The following PBX3 variants were observed in gnomAD, a reference collection of about 807,000 sequenced individuals.
PBX3 encodes PBX homeobox 3, also known as pre-B-cell leukemia transcription factor 3.
PBX3 carries 14 observed loss-of-function variants against 48.5 expected under a neutral mutation model. That is an observed-to-expected ratio of 0.29 (90% CI 0.19 to 0.45). The LOEUF (loss-of-function observed/expected upper bound fraction) is 0.45. PBX3 is among the 20% of genes least tolerant of loss of function. The pLI is 1.00. For synonymous variants in PBX3, 210 were observed against 200.3 expected (o/e 1.05, Z -0.41); for missense variants, 386 against 546.7 (o/e 0.71, Z 2.93).
intron 2 of PBX3, chr9:125,749,652 A>G (rs979605362): frequency 6.6e-6 from 1 of 151,380 alleles, no homozygotes; most frequent in African/African-American, 2.4e-5. Flanking sequence ...GTTGAAGTCC[A>G]GGATATAGCA....
intron 2 of PBX3, among the ~76,000 whole-genome samples, chr9:125,839,193 G>C (rs1276413701): frequency 6.6e-6 from 1 of 152,202 alleles, no homozygotes; most frequent in Non-Finnish European, 1.5e-5. Context: ...AGAATTAAAT[G>C]AAATTGTACA....
intron 2 of PBX3, among the ~76,000 whole-genome samples, chr9:125,913,003 A>G (rs917513389): frequency 4.6e-5 from 7 of 152,176 alleles, no homozygotes; most frequent in African/African-American, 1.7e-4. Flanking sequence ...TAAGAAAATA[A>G]ATAGAAATAT....
chr9:125,910,577 A>G (rs1437523474), intron 2 of PBX3, among the ~76,000 whole-genome samples: 2 of 151,878 alleles, frequency 1.3e-5, no homozygotes, highest in African/African-American at 2.4e-5. Flanking sequence ...GCCGTGTTAT[A>G]TTTAATATAC....
intron 2 of PBX3, among the ~76,000 whole-genome samples, chr9:125,884,771 C>A (rs1221179726): frequency 6.6e-6 from 1 of 152,128 alleles, no homozygotes; most frequent in African/African-American, 2.4e-5. Context: ...AGCAGCACTT[C>A]CCTGTAAGTA....
intron 2 of PBX3, among the ~76,000 whole-genome samples, chr9:125,778,016 A>G (rs1373854969): frequency 6.8e-6 from 1 of 147,400 alleles, no homozygotes; most frequent in Non-Finnish European, 1.5e-5. Context: ...GCTGGAGTGC[A>G]GTGGTGTGAT....
chr9:125,840,916 G>A (rs553370985), intron 2 of PBX3, among the ~76,000 whole-genome samples: 5 of 152,100 alleles, frequency 3.3e-5, no homozygotes, highest in South Asian at 4.2e-4. Context: ...ATTTTAAGTC[G>A]TTCAGTTTGT....
chr9:125,919,885 C>G (rs1446485503), intron 3 of PBX3, among the ~76,000 whole-genome samples: 1 of 152,206 alleles, frequency 6.6e-6, no homozygotes, highest in Non-Finnish European at 1.5e-5. Flanking sequence ...CTGCAAGGCT[C>G]AGTTTTATGT....
At chr9:125,920,207 G>C (rs565651711) in intron 3 of PBX3, among the ~76,000 whole-genome samples, 1 of 152,018 alleles carries the variant, frequency 6.6e-6, no homozygotes, top group African/African-American at 2.4e-5. Flanking sequence ...CTTCGTCTTG[G>C]GTACATTGCC....
chr9:125,789,062 A>C (rs1489849483), intron 2 of PBX3, among the ~76,000 whole-genome samples: 2 of 152,086 alleles, frequency 1.3e-5, no homozygotes, highest in South Asian at 2.1e-4. Context: ...TTCACTCAAC[A>C]CTTATTTTAA....
chr9:125,794,630 T>C (rs1837722677), intron 2 of PBX3, among the ~76,000 whole-genome samples: 2 of 150,658 alleles, frequency 1.3e-5, no homozygotes, highest in Admixed American at 6.6e-5. Context: ...TAAACAATTA[T>C]AATTACTCAT....
chr9:125,912,125 A>T (rs888457007), intron 2 of PBX3, among the ~76,000 whole-genome samples: 1 of 152,138 alleles, frequency 6.6e-6, no homozygotes, highest in African/African-American at 2.4e-5. Context: ...TCATTGTGTT[A>T]CAGTGTTCTT....
At chr9:125,846,170 A>G (rs1283434569) in intron 2 of PBX3, among the ~76,000 whole-genome samples, 1 of 152,096 alleles carries the variant, frequency 6.6e-6, no homozygotes, top group Non-Finnish European at 1.5e-5. Flanking sequence ...CCTATTAGCT[A>G]GAAATTATTA....
At chr9:125,795,571 G>C (rs1837754215) in intron 2 of PBX3, among the ~76,000 whole-genome samples, 2 of 152,056 alleles carry the variant, frequency 1.3e-5, no homozygotes, top group South Asian at 4.1e-4. Context: ...CATGTAAACT[G>C]TAATGATTCC....
At chr9:125,948,558 G>A (rs987277308) in intron 5 of PBX3, among the ~76,000 whole-genome samples, 6 of 151,982 alleles carry the variant, frequency 3.9e-5, no homozygotes, top group African/African-American at 9.7e-5. Context: ...ACAGTGAAAC[G>A]ATAACATACC....
Position 125,749,610 on chromosome 9 carries a change from G to A in PBX3, c.274+987G>A, listed in dbSNP as rs1588113128. 6.9e-5 allele frequency: 8 copies of A among 116,112 alleles called. No homozygotes were observed. The Admixed American group carries it at 7.4e-4, about 11-fold the overall frequency. 7.2% of individuals were successfully genotyped at this position (116,112 alleles called of 1,614,324 possible). ...GTTGGATGTATGGTATTTTAAAGTT[G>A]CCATTTTGAAAGTTGAGGCAAAGGA... On this transcript the variant is annotated intron_variant, in intron 2 of 8. Transcript: ENST00000373489.
At chr9:125,853,361 A>C (rs1588220866) in intron 2 of PBX3, among the ~76,000 whole-genome samples, 6 of 152,298 alleles carry the variant, frequency 3.9e-5, no homozygotes, top group Admixed American at 3.9e-4. Context: ...AAATTAGTGT[A>C]AAAAACACAT....
At chr9:125,822,783 G>A (rs1838690274) in intron 2 of PBX3, among the ~76,000 whole-genome samples, 1 of 152,042 alleles carries the variant, frequency 6.6e-6, no homozygotes, top group South Asian at 2.1e-4. Context: ...GGGTATCTCA[G>A]TATAGTAGCT....
chr9:125,853,373 T>C (rs1839633798), intron 2 of PBX3, among the ~76,000 whole-genome samples: 1 of 152,214 alleles, frequency 6.6e-6, no homozygotes, highest in South Asian at 2.1e-4. Flanking sequence ...AAAACACATT[T>C]TTTTACTGGA....
intron 5 of PBX3, among the ~76,000 whole-genome samples, chr9:125,952,150 G>C (rs1006783803): frequency 5.9e-5 from 9 of 152,084 alleles, no homozygotes; most frequent in South Asian, 2.1e-4. Flanking sequence ...CATTTAATTA[G>C]GCACAGTACA....
Sources: gnomAD v4.1 joint callset for allele counts (sites outside exome capture counted in the v4.1 genomes callset) on GRCh38, gnomAD v4.1.1 for gene constraint, MANE v1.5 for transcripts, NCBI Gene and HGNC (gene_info 2026-07-23, HGNC 2026-07-21) for gene names.